The following LRCH1 variants were observed in gnomAD, a reference collection of about 807,000 sequenced individuals.
LRCH1 encodes leucine-rich repeat and calponin homology domain-containing protein 1.
A neutral mutation model predicts 94.9 loss-of-function variants in LRCH1; 23 were observed. The observed-to-expected ratio is 0.24, with a 90% CI of 0.17 to 0.34. LRCH1 has a LOEUF of 0.34. Ranked by LOEUF, LRCH1 falls within the 10% of genes least tolerant of loss-of-function variation. The pLI, the probability that LRCH1 is intolerant of heterozygous loss-of-function variation, is 1.00. For synonymous variants in LRCH1, 364 were observed against 354.9 expected, an observed-to-expected ratio of 1.03 and a Z score of -0.29; for missense variants, 790 against 945.9, an observed-to-expected ratio of 0.84 and a Z score of 2.16.
intron 16 of LRCH1, chr13:46,717,715 T>C (rs1450832738): frequency 6.6e-6 from 1 of 152,248 alleles, no homozygotes; most frequent in East Asian, 1.9e-4. Context: ...TTGACTTTTA[T>C]TTATACATTT....
intron 1 of LRCH1, among the ~76,000 whole-genome samples, chr13:46,580,135 A>G (rs913286876): frequency 6.6e-6 from 1 of 152,176 alleles, no homozygotes; most frequent in East Asian, 1.9e-4. Flanking sequence ...TACTGCCTCT[A>G]ATTTTTAAAT....
At chr13:46,638,148 A>G (rs2051114664) in intron 1 of LRCH1, among the ~76,000 whole-genome samples, 1 of 152,224 alleles carries the variant, frequency 6.6e-6, no homozygotes, top group African/African-American at 2.4e-5. Context: ...AATATTTGTG[A>G]CAAATATAGT....
At position 46,744,067 on chromosome 13, in the gene LRCH1, C is replaced by G. The variant is rs544487796; in HGVS notation, c.*2219C>G. 9.1e-6 allele frequency: 9 copies of G among 985,356 alleles called. No homozygotes were observed. In the African/African-American group the frequency reaches 1.6e-4, roughly 17 times the overall value. The allele number at this position is 985,356 out of a possible 1,614,324, so 61.0% of individuals were successfully genotyped here. ...TAGGCAAAAATTTGAATGAACTGTT[C>G]TGTCCATTGCCAACCCATTAATTTC... On this transcript the variant is annotated 3_prime_UTR_variant, in exon 20 of 20. Coordinates refer to ENST00000389797, the MANE Select transcript of LRCH1 (RefSeq NM_001164211.2).
intron 14 of LRCH1, 145 bp downstream of exon 14, chr13:46,711,989 C>G: frequency 1.7e-6 from 1 of 580,220 alleles, no homozygotes; most frequent in Non-Finnish European, 3.0e-6. Flanking sequence ...CATTAGCTAT[C>G]ATAGCTTTAT....
intron 2 of LRCH1, among the ~76,000 whole-genome samples, chr13:46,654,449 G>GA (rs1330060573): frequency 1.3e-5 from 2 of 152,180 alleles, no homozygotes; most frequent in East Asian, 3.9e-4. Context: ...GACCTTTGGG[G>GA]AGAGACTGCC....
At chr13:46,650,878 G>A (rs2051287656) in intron 2 of LRCH1, among the ~76,000 whole-genome samples, 1 of 152,168 alleles carries the variant, frequency 6.6e-6, no homozygotes, top group African/African-American at 2.4e-5. Context: ...TACAAAGTTT[G>A]CTATCTATCT....
In LRCH1 at chr13:46,606,001, A is replaced by G. The variant is rs190670199; in HGVS notation, c.308-44200A>G. On this transcript the variant is annotated intron_variant, in intron 1 of 19. Transcript: ENST00000389797. The stretch of plus-strand genomic sequence containing the variant: ...AGTGACTTCTCCAAGGTCACACAGT[A>G]AGTGAGTGATGAAGCTGGGAGTAGG... Among the ~76,000 whole-genome samples, 544 of 152,228 alleles carry G rather than the reference A, an allele frequency of 3.6e-3. 7 individuals carry two copies. Among genetic ancestry groups the G allele is most frequent in the African/African-American group, 0.012 (482 of 41,560 alleles).
intron 1 of LRCH1, among the ~76,000 whole-genome samples, chr13:46,622,345 G>A (rs2050890691): frequency 6.6e-6 from 1 of 152,136 alleles, no homozygotes; most frequent in Admixed American, 6.5e-5. Flanking sequence ...TCGTTGTTCA[G>A]TCTCCACTAT....
chr13:46,568,984 A>C (rs1055313899), intron 1 of LRCH1, among the ~76,000 whole-genome samples: 1 of 152,254 alleles, frequency 6.6e-6, no homozygotes, highest in African/African-American at 2.4e-5. Context: ...TTTAAAACAC[A>C]GAATAACTGA....
chr13:46,719,665 A>G (rs1283255188), intron 16 of LRCH1, among the ~76,000 whole-genome samples: 2 of 152,228 alleles, frequency 1.3e-5, no homozygotes, highest in African/African-American at 4.8e-5. Context: ...CTCTTCTGCT[A>G]AGTAAATTGC....
intron 9 of LRCH1, among the ~76,000 whole-genome samples, chr13:46,695,659 G>A (rs1041230126): frequency 1.3e-5 from 2 of 152,142 alleles, no homozygotes; most frequent in African/African-American, 2.4e-5. Context: ...AGGTTGTGGT[G>A]CCCAAGAATC....
In LRCH1 at chr13:46,742,174, A is replaced by AGAGGG; in HGVS notation, c.*331_*335dup. The stretch of plus-strand genomic sequence containing the variant: ...CTCCCGGTGAGCTGCTGCCCTGGGC[A>AGAGGG]GAGGGGAGGAGAATTCCAGGACAAG... On this transcript the variant is annotated 3_prime_UTR_variant, in exon 20 of 20. Transcript: ENST00000389797. 1 of 1,167,550 alleles carries AGAGGG rather than the reference A, an allele frequency of 8.6e-7. No individual in the cohort carries two copies. The highest frequency in any genetic ancestry group is 1.6e-5 in the African/African-American group (1 of 63,650). The allele number at this position is 1,167,550 out of a possible 1,614,324, so 72.3% of individuals were successfully genotyped here. A position where few individuals can be genotyped will look rare whatever the true frequency, so the allele number is the denominator to read the frequency against.
intron 1 of LRCH1, among the ~76,000 whole-genome samples, chr13:46,576,062 G>A (rs1273336452): frequency 6.6e-6 from 1 of 152,190 alleles, no homozygotes; most frequent in Admixed American, 6.5e-5. Flanking sequence ...GTTGGAATTA[G>A]TCAGCATTCC....
At chr13:46,557,012 G>A (rs551844158) in intron 1 of LRCH1, among the ~76,000 whole-genome samples, 3 of 152,144 alleles carry the variant, frequency 2.0e-5, no homozygotes, top group Admixed American at 1.3e-4. Flanking sequence ...AGGATAGATG[G>A]AATATCTTTG....
At chr13:46,638,490 A>G (rs1315717776) in intron 1 of LRCH1, among the ~76,000 whole-genome samples, 6 of 152,330 alleles carry the variant, frequency 3.9e-5, no homozygotes, top group Middle Eastern at 3.4e-3. Context: ...TTCTACTTCA[A>G]AATGATGCCT....
At chr13:46,730,604 C>A (rs1456838006) in intron 18 of LRCH1, among the ~76,000 whole-genome samples, 1 of 152,134 alleles carries the variant, frequency 6.6e-6, no homozygotes, top group African/African-American at 2.4e-5. Flanking sequence ...ACTTTTTTAG[C>A]CTCAGAAACA....
chr13:46,728,721 A>C lies in LRCH1; in HGVS notation c.1870-126A>C, dbSNP rs904106923. 13 of 873,178 alleles carry C rather than the reference A, an allele frequency of 1.5e-5. No homozygotes were observed. The South Asian group carries it at 3.6e-4, about 24-fold the overall frequency. The allele number at this position is 873,178 out of a possible 1,614,324, so 54.1% of individuals were successfully genotyped here. ...GAGTTAAATAATGTCAGTGTTTTCT[A>C]GGCATTGTTATCCTTATTTCCTATG... On this transcript the variant is annotated intron_variant, in intron 17 of 19. Transcript: ENST00000389797.
intron 9 of LRCH1, among the ~76,000 whole-genome samples, 184 bp downstream of exon 9, chr13:46,695,201 C>G (rs1268459185): frequency 6.6e-6 from 1 of 152,196 alleles, no homozygotes; most frequent in African/African-American, 2.4e-5. Flanking sequence ...TGGTCCCTGC[C>G]CTGTGTGCCT....
chr13:46,696,580 G>A (rs1269509762), intron 9 of LRCH1, among the ~76,000 whole-genome samples: 11 of 152,294 alleles, frequency 7.2e-5, no homozygotes, highest in Middle Eastern at 3.4e-3. Flanking sequence ...TACAGAATGG[G>A]TCCTGTAGAT....
Sources: gnomAD v4.1 joint callset for allele counts (sites outside exome capture counted in the v4.1 genomes callset) on GRCh38, gnomAD v4.1.1 for gene constraint, MANE v1.5 for transcripts, NCBI Gene and HGNC (gene_info 2026-07-23, HGNC 2026-07-21) for gene names.